KCNN2: variants seen among roughly 807,000 people sequenced by gnomAD.
KCNN2 encodes the protein potassium calcium-activated channel subfamily N member 2.
KCNN2 carries 24 observed loss-of-function variants against 55.5 expected under a neutral mutation model. That is an observed-to-expected ratio of 0.43 (90% CI 0.31 to 0.61). The LOEUF (loss-of-function observed/expected upper bound fraction) is 0.61, where lower values mean the gene tolerates loss of function less well. KCNN2 is among the 20% of genes least tolerant of loss of function. The pLI is 0.08. For synonymous variants in KCNN2, 431 were observed against 336.1 expected (o/e 1.28, Z -3.09); for missense variants, 754 against 853.6 (o/e 0.88, Z 1.45).
chr5:114,200,287 A>G (rs1227644886), intron 1 of KCNN2, among the ~76,000 whole-genome samples: 2 of 151,882 alleles, frequency 1.3e-5, no homozygotes, highest in African/African-American at 4.8e-5. Flanking sequence ...TTGGTCTAGT[A>G]TATTGTTGAA....
At chr5:114,313,023 T>A (rs1471399354) in intron 2 of KCNN2, among the ~76,000 whole-genome samples, 1 of 152,114 alleles carries the variant, frequency 6.6e-6, no homozygotes, top group Non-Finnish European at 1.5e-5. Flanking sequence ...CTTGTTTTGA[T>A]CTCTGTAGAA....
intron 2 of KCNN2, among the ~76,000 whole-genome samples, chr5:114,321,207 C>G (rs1271328800): frequency 2.6e-5 from 4 of 152,154 alleles, no homozygotes; most frequent in African/African-American, 7.2e-5. Context: ...CAATTTACCC[C>G]CATTGTTCTT....
intron 1 of KCNN2, among the ~76,000 whole-genome samples, chr5:114,122,411 T>C (rs551142473): frequency 1.3e-5 from 2 of 152,298 alleles, no homozygotes; most frequent in South Asian, 4.1e-4. Flanking sequence ...TATGCACTGA[T>C]TGGAAAAGAA....
At chr5:114,058,446 T>A (rs1580472298) in intron 1 of KCNN2, among the ~76,000 whole-genome samples, 1 of 152,188 alleles carries the variant, frequency 6.6e-6, no homozygotes, top group South Asian at 2.1e-4. Flanking sequence ...TAAGGCCAGG[T>A]ATGCTTGTTA....
chr5:114,189,513 A>G (rs1237499294), intron 1 of KCNN2, among the ~76,000 whole-genome samples: 4 of 152,204 alleles, frequency 2.6e-5, no homozygotes, highest in Admixed American at 6.5e-5. Flanking sequence ...ACCCTGTCAA[A>G]CAGAATAATG....
At chr5:114,256,378 TC>T (rs1754984292) in intron 2 of KCNN2, among the ~76,000 whole-genome samples, 1 of 152,192 alleles carries the variant, frequency 6.6e-6, no homozygotes. Context: ...GATTGCTTTT[TC>T]TTTGTGTGGA....
intron 1 of KCNN2, among the ~76,000 whole-genome samples, chr5:114,156,851 TC>T (rs1752645538): frequency 6.6e-6 from 1 of 152,150 alleles, no homozygotes; most frequent in African/African-American, 2.4e-5. Flanking sequence ...CCATGTTAGT[TC>T]CTTTTCTAAA....
intron 1 of KCNN2, among the ~76,000 whole-genome samples, chr5:114,098,871 C>A (rs2112566078): frequency 6.6e-6 from 1 of 152,212 alleles, no homozygotes; most frequent in East Asian, 1.9e-4. Flanking sequence ...AGGGGTGAAT[C>A]TAGGGCTTTG....
At chr5:114,183,030 G>A (rs559647714) in intron 1 of KCNN2, among the ~76,000 whole-genome samples, 1 of 152,104 alleles carries the variant, frequency 6.6e-6, no homozygotes, top group East Asian at 1.9e-4. Context: ...ATTGAGGAGA[G>A]GAACTTACTT....
intron 1 of KCNN2, among the ~76,000 whole-genome samples, chr5:114,167,992 G>A (rs2112539565): frequency 6.6e-6 from 1 of 152,198 alleles, no homozygotes; most frequent in Non-Finnish European, 1.5e-5. Flanking sequence ...GCAAGTATCA[G>A]TTGCTGTTTA....
chr5:114,180,848 G>T (rs1430407137), intron 1 of KCNN2, among the ~76,000 whole-genome samples: 1 of 151,968 alleles, frequency 6.6e-6, no homozygotes, highest in Non-Finnish European at 1.5e-5. Flanking sequence ...TACTATTTCT[G>T]CCTGTTCTAG....
intron 2 of KCNN2, among the ~76,000 whole-genome samples, chr5:114,328,041 G>C (rs1488439711): frequency 1.3e-5 from 2 of 152,218 alleles, no homozygotes; most frequent in Non-Finnish European, 1.5e-5. Context: ...GGGCACATTA[G>C]TAAATGTTAT....
At chr5:114,480,670 G>A (rs1011196039) in intron 5 of KCNN2, among the ~76,000 whole-genome samples, 3 of 152,160 alleles carry the variant, frequency 2.0e-5, no homozygotes, top group Non-Finnish European at 4.4e-5. Flanking sequence ...TATCCACCAT[G>A]ATCAAGTTGG....
At chr5:114,296,724 G>A (rs1756018960) in intron 2 of KCNN2, among the ~76,000 whole-genome samples, 1 of 152,120 alleles carries the variant, frequency 6.6e-6, no homozygotes, top group African/African-American at 2.4e-5. Context: ...CAACTAGAAA[G>A]GGCATTTAAA....
intron 1 of KCNN2, among the ~76,000 whole-genome samples, chr5:114,197,134 A>G (rs1561518665): frequency 6.6e-6 from 1 of 152,066 alleles, no homozygotes; most frequent in Non-Finnish European, 1.5e-5. Flanking sequence ...GTATTTGTCT[A>G]TTCCAAAATT....
chr5:114,374,697 T>C (rs1293078027), intron 2 of KCNN2, among the ~76,000 whole-genome samples: 1 of 152,188 alleles, frequency 6.6e-6, no homozygotes, highest in Non-Finnish European at 1.5e-5. Flanking sequence ...AAGGTGTTAT[T>C]GTTGAGTGAG....
rs1006439494 is a variant in KCNN2, at chr5:114,377,036, T to C, written c.1218+13035T>C. Among the ~76,000 whole-genome samples, 5 of 152,292 alleles carry C rather than the reference T, an allele frequency of 3.3e-5. No homozygotes were observed. In the East Asian group the frequency reaches 7.7e-4, roughly 24 times the overall value. On this transcript the variant is annotated intron_variant, in intron 2 of 7. Coordinates refer to ENST00000673685, the MANE Select transcript of KCNN2 (RefSeq NM_021614.4). ...TGAAGACTGCAGTGAATTATGATTG[T>C]ACTACCGCCCTCTAGCCTGGGCAGC... is the stretch of plus-strand genomic sequence containing the variant.
chr5:114,147,327 A>G (rs1752419478), intron 1 of KCNN2, among the ~76,000 whole-genome samples: 1 of 152,142 alleles, frequency 6.6e-6, no homozygotes, highest in Non-Finnish European at 1.5e-5. Flanking sequence ...GATGTAGAAA[A>G]GGCATTTTTA....
At chr5:114,187,848 CTT>C (rs900949591) in intron 1 of KCNN2, among the ~76,000 whole-genome samples, 2 of 131,664 alleles carry the variant, frequency 1.5e-5, no homozygotes, top group Non-Finnish European at 3.2e-5. Context: ...GGAGTTTGCT[CTT>C]GTTGCCCAGG....
Sources: allele counts gnomAD v4.1 joint callset (sites outside exome capture counted in the v4.1 genomes callset), GRCh38; gene constraint gnomAD v4.1.1; transcripts MANE v1.5; gene names NCBI Gene and HGNC (gene_info 2026-07-23, HGNC 2026-07-21).